The following TTC27 variants were observed in gnomAD, a reference collection of about 807,000 sequenced individuals.
TTC27 encodes tetratricopeptide repeat domain 27.
Under a neutral mutation model 115.9 loss-of-function variants are expected in TTC27, and 79 were observed. That is an observed-to-expected ratio of 0.68 (90% CI 0.57 to 0.82). The LOEUF is 0.82. TTC27 is among the 40% of genes least tolerant of loss of function. The pLI, the probability that TTC27 is intolerant of heterozygous loss-of-function variation, is 0.00. For synonymous variants in TTC27, 401 were observed against 356.0 expected, an observed-to-expected ratio of 1.13 and a Z score of -1.42; for missense variants, 1,054 against 993.1, an observed-to-expected ratio of 1.06 and a Z score of -0.82.
intron 16 of TTC27, among the ~76,000 whole-genome samples, chr2:32,808,660 A>G (rs544607845): frequency 6.6e-6 from 1 of 152,264 alleles, no homozygotes; most frequent in African/African-American, 2.4e-5. Flanking sequence ...TCCCTCCTTA[A>G]TGCCAGGACT....
intron 4 of TTC27, among the ~76,000 whole-genome samples, chr2:32,641,989 G>A (rs1184213066): frequency 2.0e-5 from 3 of 152,132 alleles, no homozygotes; most frequent in Non-Finnish European, 4.4e-5. Context: ...CCAAGTAGCT[G>A]GGACTACAGG....
In TTC27 at chr2:32,641,094, G is replaced by A. The variant is rs189663324; in HGVS notation, c.537+684G>A. Among the ~76,000 whole-genome samples, 36 of 152,144 alleles carry A rather than the reference G, an allele frequency of 2.4e-4. No homozygotes were observed. In the East Asian group the frequency reaches 6.6e-3, roughly 28 times the overall value. On this transcript the variant is annotated intron_variant, in intron 4 of 19. Transcript: ENST00000317907. ...AATGAGCAGTGACCAAAATTTAATG[G>A]GTCTTAATTTCTGTTTTCTGGCTCA... is the stretch of plus-strand genomic sequence containing the variant.
At chr2:32,740,213 CAA>C (rs1668583292) in intron 12 of TTC27, among the ~76,000 whole-genome samples, 1 of 152,126 alleles carries the variant, frequency 6.6e-6, no homozygotes, top group Non-Finnish European at 1.5e-5. Flanking sequence ...AAATGAGAGA[CAA>C]AGACTGAGGG....
intron 15 of TTC27, among the ~76,000 whole-genome samples, chr2:32,782,895 A>G (rs944942800): frequency 6.6e-6 from 1 of 152,218 alleles, no homozygotes; most frequent in African/African-American, 2.4e-5. Context: ...ATGTAATAAA[A>G]TAAGAAATGT....
chr2:32,811,883 A>G (rs1318368581), intron 17 of TTC27, among the ~76,000 whole-genome samples: 3 of 152,196 alleles, frequency 2.0e-5, no homozygotes, highest in Admixed American at 1.3e-4. Flanking sequence ...TAGCCACGGC[A>G]CAGCTAATCT....
chr2:32,641,941 C>T (rs940261162), intron 4 of TTC27, among the ~76,000 whole-genome samples: 5 of 152,170 alleles, frequency 3.3e-5, no homozygotes, highest in Admixed American at 6.5e-5. Flanking sequence ...CTGCAAGCTC[C>T]ACCTCCTGGG....
At chr2:32,778,015 C>G (rs1224622396) in intron 14 of TTC27, 35 bp downstream of exon 14, 2 of 1,595,292 alleles carry the variant, frequency 1.3e-6, no homozygotes, top group Admixed American at 1.7e-5. Context: ...TTACGTGGCT[C>G]TTTACTCTCT....
chr2:32,781,259 C>T (rs993413472), intron 14 of TTC27, among the ~76,000 whole-genome samples: 1 of 152,220 alleles, frequency 6.6e-6, no homozygotes, highest in Non-Finnish European at 1.5e-5. Flanking sequence ...CAAACATTCT[C>T]TCATTATGTT....
chr2:32,638,959 A>C (rs1220181676), intron 3 of TTC27, among the ~76,000 whole-genome samples: 1 of 151,926 alleles, frequency 6.6e-6, no homozygotes, highest in Non-Finnish European at 1.5e-5. Flanking sequence ...CAGCCTCCCA[A>C]GTAGCTGGGA....
At chr2:32,801,916 A>G (rs1018747577) in intron 16 of TTC27, among the ~76,000 whole-genome samples, 5 of 152,222 alleles carry the variant, frequency 3.3e-5, no homozygotes, top group African/African-American at 1.2e-4. Context: ...ACTTAGTCAT[A>G]TACAATATTG....
intron 10 of TTC27, among the ~76,000 whole-genome samples, chr2:32,726,188 A>G (rs1310438592): frequency 6.6e-6 from 1 of 152,196 alleles, no homozygotes; most frequent in African/African-American, 2.4e-5. Context: ...TTGGGGATTA[A>G]CATTCGGCTC....
At chr2:32,643,076 T>A (rs1664716941) in intron 4 of TTC27, among the ~76,000 whole-genome samples, 1 of 151,580 alleles carries the variant, frequency 6.6e-6, no homozygotes, top group Non-Finnish European at 1.5e-5. Context: ...TTCAAGTGAT[T>A]TTCCCACCTC....
intron 9 of TTC27, among the ~76,000 whole-genome samples, chr2:32,681,978 ATATGTGTGTGTGTGTGTGTGTGTGTGTG>A (rs1666443437): frequency 7.3e-6 from 1 of 137,834 alleles, no homozygotes; most frequent in South Asian, 2.3e-4. Context: ...ATATGTATAT[ATATGTGTGTGTGTGTGTGTGTGTGTGTG>A]TGTGTGTGTG....
intron 16 of TTC27, among the ~76,000 whole-genome samples, chr2:32,790,497 C>T (rs1670500637): frequency 6.6e-6 from 1 of 152,082 alleles, no homozygotes; most frequent in Admixed American, 6.6e-5. Context: ...GTGATGTTTT[C>T]ATATGTGTAT....
intron 12 of TTC27, among the ~76,000 whole-genome samples, chr2:32,748,626 T>C (rs566042822): frequency 6.6e-6 from 1 of 152,340 alleles, no homozygotes; most frequent in Non-Finnish European, 1.5e-5. Flanking sequence ...TATTTGTGAT[T>C]GTTATATCTT....
intron 16 of TTC27, among the ~76,000 whole-genome samples, chr2:32,802,822 C>T (rs932070175): frequency 1.3e-5 from 2 of 152,180 alleles, no homozygotes; most frequent in Non-Finnish European, 2.9e-5. Flanking sequence ...CTCATCTATT[C>T]CCTTGGTTTT....
chr2:32,786,489 GTTGACTGAAGGTTT>G (rs1401953672), intron 15 of TTC27, among the ~76,000 whole-genome samples: 1 of 152,152 alleles, frequency 6.6e-6, no homozygotes, highest in Admixed American at 6.5e-5. Context: ...GACTAGTTTT[GTTGACTGAAGGTTT>G]TTTTCTCACA....
intron 10 of TTC27, among the ~76,000 whole-genome samples, chr2:32,710,323 C>A (rs1667531384): frequency 2.0e-5 from 3 of 151,948 alleles, no homozygotes. Flanking sequence ...CCATCTCTTT[C>A]AGTAACTTTG....
intron 9 of TTC27, among the ~76,000 whole-genome samples, chr2:32,702,503 T>C (rs917165360): frequency 6.6e-6 from 1 of 152,180 alleles, no homozygotes; most frequent in African/African-American, 2.4e-5. Context: ...GGGTTAGGTT[T>C]CAGTGTGTGC....
Sources: gnomAD v4.1 joint callset for allele counts (sites outside exome capture counted in the v4.1 genomes callset) on GRCh38, gnomAD v4.1.1 for gene constraint, MANE v1.5 for transcripts, NCBI Gene and HGNC (gene_info 2026-07-23, HGNC 2026-07-21) for gene names.